Variants in PHF2 observed in about 807,000 individuals in gnomAD.
The protein encoded by PHF2 is PHD finger protein 2.
In PHF2, 27 loss-of-function variants were observed where a neutral mutation model predicts 120.5. That is an observed-to-expected ratio of 0.22 (90% CI 0.17 to 0.31). The LOEUF is 0.31. Among genes scored for constraint, PHF2 ranks in the 10% least tolerant of loss-of-function variants. The pLI is 1.00. For synonymous variants in PHF2, 568 were observed against 592.5 expected (o/e 0.96, Z 0.60); for missense variants, 1,024 against 1,434.8 (o/e 0.71, Z 4.63).
intron 19 of PHF2, 145 bp downstream of exon 19, chr9:93,675,167 G>T (rs1826885666): frequency 3.0e-6 from 2 of 662,292 alleles, no homozygotes; most frequent in Non-Finnish European, 5.3e-6. Flanking sequence ...TCCCGCTGGG[G>T]TTGGTCAGCT....
intron 18 of PHF2, 40 bp from the exon 19 acceptor site, chr9:93,674,887 T>C: frequency 6.7e-7 from 1 of 1,481,906 alleles, no homozygotes; most frequent in South Asian, 1.1e-5. Flanking sequence ...GGACCTGCCC[T>C]GCACTCAGCG....
intron 1 of PHF2, among the ~76,000 whole-genome samples, chr9:93,603,461 A>T (rs2398846): frequency 0.36 from 53,792 of 151,408 alleles, 9,823 homozygotes; most frequent in Non-Finnish European, 0.4. Flanking sequence ...CTGGCTCTGG[A>T]CTCCTGTAGG....
rs1587718024 is a variant in PHF2 at position 93,666,988 on chromosome 9, C to T, written c.2188-92C>T. On this transcript the variant is annotated intron_variant, in intron 16 of 21. Coordinates refer to ENST00000359246, the MANE Select transcript of PHF2 (RefSeq NM_005392.4). ...AAAAATGTTAAAAAACTAGTTTAGTCCCTGAAGGGAAAAAGTATCCTCCTC... is the reference window on the plus strand; with the variant it reads ...AAAAATGTTAAAAAACTAGTTTAGTTCCTGAAGGGAAAAAGTATCCTCCTC... 6.5e-6 allele frequency: 6 copies of T among 918,274 alleles called. No individual in the cohort carries two copies. The Admixed American group carries it at 1.2e-4, about 19-fold the overall frequency. 56.9% of individuals were successfully genotyped at this position (918,274 alleles called of 1,614,324 possible).
At chr9:93,661,537 G>A (rs1030421306) in intron 12 of PHF2, among the ~76,000 whole-genome samples, 3 of 152,184 alleles carry the variant, frequency 2.0e-5, no homozygotes, top group South Asian at 4.1e-4. Context: ...ATAGATGAAT[G>A]AATAGATGGC....
intron 1 of PHF2, among the ~76,000 whole-genome samples, chr9:93,594,192 C>G (rs536076038): frequency 1.3e-5 from 2 of 151,284 alleles, no homozygotes; most frequent in Non-Finnish European, 2.9e-5. Context: ...TGTGACCCCC[C>G]CCCCCTCCAT....
chr9:93,601,252 T>C (rs993087648), intron 1 of PHF2, among the ~76,000 whole-genome samples: 1 of 152,224 alleles, frequency 6.6e-6, no homozygotes, highest in African/African-American at 2.4e-5. Context: ...TCTGCACATA[T>C]ACAGCCAGGG....
intron 9 of PHF2, among the ~76,000 whole-genome samples, chr9:93,657,845 G>A (rs1256587737): frequency 6.6e-6 from 1 of 152,180 alleles, no homozygotes; most frequent in African/African-American, 2.4e-5. Flanking sequence ...CCTTGCTCAG[G>A]TAGGGCTGGG....
chr9:93,610,227 C>T (rs1825613111), intron 1 of PHF2, among the ~76,000 whole-genome samples: 2 of 152,076 alleles, frequency 1.3e-5, no homozygotes, highest in African/African-American at 4.8e-5. Context: ...TTCTGGTATT[C>T]CTATTACATG....
chr9:93,677,052 G>A lies in PHF2; in HGVS notation c.3202+89G>A, dbSNP rs1564406224. On this transcript the variant is annotated intron_variant, in intron 21 of 21. Transcript: ENST00000359246. The surrounding 1 kb of genome is among the most constrained non-coding windows in gnomAD (Gnocchi z 4.4). ...AGACATGCAGACTCGGCCCATGGTA[G>A]AGGGCAGCACATTGGGAGGGCTCCT... is the stretch of plus-strand genomic sequence containing the variant. 2.2e-6 allele frequency: 3 copies of A among 1,385,742 alleles called. No individual in the cohort carries two copies. Among genetic ancestry groups the A allele is most frequent in the Non-Finnish European group, 2.9e-6 (3 of 1,040,738 alleles). 85.8% of individuals were successfully genotyped at this position (1,385,742 alleles called of 1,614,324 possible). A position where few individuals can be genotyped will look rare whatever the true frequency, so the allele number is the denominator to read the frequency against.
At chr9:93,617,695 A>C (rs1447748050) in intron 1 of PHF2, among the ~76,000 whole-genome samples, 1 of 152,218 alleles carries the variant, frequency 6.6e-6, no homozygotes, top group African/African-American at 2.4e-5. Context: ...AAGGTCCCAC[A>C]ATAGGCCATC....
chr9:93,671,118 G>C, intron 17 of PHF2: 1 of 975,496 alleles, frequency 1.0e-6, no homozygotes, highest in Non-Finnish European at 1.2e-6. Context: ...GGGGGTGCAT[G>C]TGTGGGGGTA....
At chr9:93,598,508 A>G (rs1424463879) in intron 1 of PHF2, among the ~76,000 whole-genome samples, 3 of 152,248 alleles carry the variant, frequency 2.0e-5, no homozygotes, top group African/African-American at 7.2e-5. Flanking sequence ...CCCCGTCAGA[A>G]GTGGGTTGTG....
chr9:93,625,715 T>C (rs988974047), intron 1 of PHF2, among the ~76,000 whole-genome samples: 4 of 151,872 alleles, frequency 2.6e-5, no homozygotes, highest in African/African-American at 9.7e-5. Context: ...TGACTTCAAG[T>C]GGTCTGCCCA....
chr9:93,595,643 T>G (rs10117691), intron 1 of PHF2, among the ~76,000 whole-genome samples: 1 of 151,986 alleles, frequency 6.6e-6, no homozygotes, highest in Admixed American at 6.6e-5. Flanking sequence ...GACCGAGATT[T>G]GCATCTTCTG....
intron 3 of PHF2, among the ~76,000 whole-genome samples, chr9:93,638,681 G>GT (rs1212737624): frequency 6.6e-6 from 1 of 152,130 alleles, no homozygotes; most frequent in African/African-American, 2.4e-5. Context: ...GTAATTTATA[G>GT]TAAGTTTTGA....
intron 5 of PHF2, among the ~76,000 whole-genome samples, chr9:93,651,532 A>G (rs1204830502): frequency 1.3e-5 from 2 of 152,146 alleles, no homozygotes; most frequent in Non-Finnish European, 2.9e-5. Flanking sequence ...TTGGCCAAGC[A>G]GGTAAGGTCA....
At chr9:93,598,046 G>A (rs1002259000) in intron 1 of PHF2, among the ~76,000 whole-genome samples, 22 of 152,262 alleles carry the variant, frequency 1.4e-4, no homozygotes, top group African/African-American at 5.1e-4. Context: ...TTTATGGGCC[G>A]GCCGAGTGCA....
chr9:93,594,508 G>T (rs1182319123), intron 1 of PHF2, among the ~76,000 whole-genome samples: 6 of 152,192 alleles, frequency 3.9e-5, no homozygotes, highest in Non-Finnish European at 8.8e-5. Context: ...CTGTCATCGG[G>T]TGTACTTCCT....
intron 1 of PHF2, among the ~76,000 whole-genome samples, chr9:93,628,656 G>A (rs1825949976): frequency 6.6e-6 from 1 of 152,062 alleles, no homozygotes; most frequent in South Asian, 2.1e-4. Flanking sequence ...GTAGCTTGCT[G>A]CCCTGACCCC....
Sources: allele counts gnomAD v4.1 joint callset (sites outside exome capture counted in the v4.1 genomes callset), GRCh38; gene constraint gnomAD v4.1.1; non-coding constraint Gnocchi (gnomAD v3.1); transcripts MANE v1.5; gene names NCBI Gene and HGNC (gene_info 2026-07-23, HGNC 2026-07-21).